The following OPRK1 variants were observed in gnomAD, a reference collection of about 807,000 sequenced individuals.
The protein encoded by OPRK1 is kappa-type opioid receptor.
A neutral mutation model predicts 24.5 loss-of-function variants in OPRK1; 15 were observed. That is an observed-to-expected ratio of 0.61 (90% CI 0.41 to 0.94). The LOEUF (loss-of-function observed/expected upper bound fraction) is 0.94. Ranked by LOEUF, OPRK1 falls within the 40% of genes least tolerant of loss-of-function variation. The pLI is 0.00. For synonymous variants in OPRK1, 205 were observed against 198.0 expected, an observed-to-expected ratio of 1.04 and a Z score of -0.30; for missense variants, 479 against 507.3, an observed-to-expected ratio of 0.94 and a Z score of 0.54.
chr8:53,237,628 T>C (rs1475501132), intron 2 of OPRK1, among the ~76,000 whole-genome samples: 1 of 152,222 alleles, frequency 6.6e-6, no homozygotes, highest in African/African-American at 2.4e-5. Context: ...AGGATTTTCT[T>C]TAAAATTCTC....
chr8:53,236,977 T>C (rs1467370735), intron 2 of OPRK1, among the ~76,000 whole-genome samples: 1 of 152,172 alleles, frequency 6.6e-6, no homozygotes, highest in Non-Finnish European at 1.5e-5. Flanking sequence ...CTAACGAGTA[T>C]ATTTTAGAGG....
chr8:53,251,313 C>A lies in OPRK1; in HGVS notation c.-49+135G>T, dbSNP rs1807393994. On this transcript the variant is annotated intron_variant, in intron 1 of 3. Transcript: ENST00000265572. ...CCTTCTCCCCCAGCCCCTGAGGTGC[C>A]TCCCTCACCAATTCTAGGCACCGGC... 5.9e-6 allele frequency: 3 copies of A among 507,026 alleles called. No homozygotes were observed. In the African/African-American group the frequency reaches 6.1e-5, roughly 10 times the overall value. The allele number at this position is 507,026 out of a possible 1,614,324, so 31.4% of individuals were successfully genotyped here.
chr8:53,233,651 AG>A (rs1806909599), intron 3 of OPRK1, among the ~76,000 whole-genome samples: 1 of 152,138 alleles, frequency 6.6e-6, no homozygotes, highest in Admixed American at 6.5e-5. Flanking sequence ...AATTTCTATG[AG>A]GAACAAAGAT....
At chr8:53,249,320 A>G (rs900352219) in intron 2 of OPRK1, among the ~76,000 whole-genome samples, 2 of 152,194 alleles carry the variant, frequency 1.3e-5, no homozygotes, top group African/African-American at 4.8e-5. Context: ...GATCTCCTAA[A>G]ATTTTTAATT....
chr8:53,236,093 C>T (rs111287088), intron 2 of OPRK1, among the ~76,000 whole-genome samples: 4 of 152,272 alleles, frequency 2.6e-5, no homozygotes, highest in African/African-American at 9.6e-5. Flanking sequence ...ATTTGAAGAT[C>T]TTGTCACAAT....
intron 3 of OPRK1, 90 bp downstream of exon 3, chr8:53,234,669 A>T: frequency 8.6e-7 from 1 of 1,163,988 alleles, no homozygotes; most frequent in Non-Finnish European, 1.2e-6. Flanking sequence ...ATCGATTTCC[A>T]CTAAATATGT....
intron 3 of OPRK1, among the ~76,000 whole-genome samples, chr8:53,232,682 A>G (rs1444828436): frequency 6.6e-6 from 1 of 152,178 alleles, no homozygotes; most frequent in Non-Finnish European, 1.5e-5. Context: ...TTCTTTATAT[A>G]TTAATATCAG....
rs1806692049 is a variant in OPRK1 at position 53,226,565 on chromosome 8, G to C, written c.*2732C>G. On this transcript the variant is annotated 3_prime_UTR_variant, in exon 4 of 4. Coordinates refer to ENST00000265572, the MANE Select transcript of OPRK1 (RefSeq NM_000912.5). ...AGAGAATAGGAACATCAAGAAATGA[G>C]AGATATCAGAGAGCCAGAGGGGTTT... 1 of 152,266 alleles carries C rather than the reference G, an allele frequency of 6.6e-6. No individual in the cohort carries two copies. The highest frequency in any genetic ancestry group is 1.5e-5 in the Non-Finnish European group (1 of 68,054). 9.4% of individuals were successfully genotyped at this position (152,266 alleles called of 1,614,324 possible).
At chr8:53,237,180 G>A (rs940432802) in intron 2 of OPRK1, among the ~76,000 whole-genome samples, 1 of 152,138 alleles carries the variant, frequency 6.6e-6, no homozygotes, top group Non-Finnish European at 1.5e-5. Context: ...AAGCAGAAAA[G>A]AATGTAGTTT....
rs1438861161 is a variant in OPRK1 at position 53,229,548 on chromosome 8, C to A, written c.892G>T (p.Ala298Ser). 6.2e-7 allele frequency: 1 copy of A among 1,614,062 alleles called. No individual in the cohort carries two copies. Among genetic ancestry groups the A allele is most frequent in the Non-Finnish European group, 8.5e-7 (1 of 1,180,034 alleles). Residue 298 changes from alanine (A) to serine (S), a missense_variant, in exon 4 of 4, where the codon GCT becomes TCT. Physicochemically the swap from Ala to Ser is moderately conservative, Grantham distance 99 (BLOSUM62 1). Coordinates refer to ENST00000265572, the MANE Select transcript of OPRK1 (RefSeq NM_000912.5). ...GTGCTGTGGGAGGTGCTCCCCAGAG[C>A]CTCCACCAGGATGAATATGTGAATG... ...TPIHIFILVE[A>S]LGSTSHSTAA...
chr8:53,246,937 AAC>A (rs1807243343), intron 2 of OPRK1, among the ~76,000 whole-genome samples: 2 of 152,210 alleles, frequency 1.3e-5, no homozygotes, highest in East Asian at 3.8e-4. Flanking sequence ...GACACAGAAA[AAC>A]TTCTAGGGAG....
Position 53,250,947 on chromosome 8 carries a change from G to A in OPRK1, c.91C>T (p.Pro31Ser), listed in dbSNP as rs941657997. Reference sequence around the variant, plus strand: ...TTGCTGTCGGGCTCGGCCCAGCCGGGAAACCAGGCGCTGCTGTTGGGGGGC... The same window carrying A: ...TTGCTGTCGGGCTCGGCCCAGCCGGAAAACCAGGCGCTGCTGTTGGGGGGC... Reference protein sequence around the residue: ...CLPPNSSAWFPGWAEPDSNGS... With the variant: ...CLPPNSSAWFSGWAEPDSNGS... The change falls in exon 2 of 4, where the codon CCC becomes TCC. Residue 31 changes from proline (P) to serine (S), a missense_variant. Pro to Ser is a moderately conservative substitution (Grantham distance 74). Transcript: ENST00000265572. 2 of 1,610,230 alleles carry A rather than the reference G, an allele frequency of 1.2e-6. No homozygotes were observed. The highest frequency in any genetic ancestry group is 1.1e-5 in the South Asian group (1 of 90,786).
At chr8:53,245,049 G>T (rs1807198486) in intron 2 of OPRK1, among the ~76,000 whole-genome samples, 1 of 152,168 alleles carries the variant, frequency 6.6e-6, no homozygotes, top group South Asian at 2.1e-4. Context: ...TAAAGGTTAT[G>T]TAAATAGTTG....
intron 2 of OPRK1, among the ~76,000 whole-genome samples, chr8:53,237,372 C>T (rs1478599609): frequency 6.6e-6 from 1 of 152,154 alleles, no homozygotes; most frequent in Non-Finnish European, 1.5e-5. Context: ...TTTAGTTTTT[C>T]AAAATATTTA....
At chr8:53,248,385 T>C (rs943722022) in intron 2 of OPRK1, among the ~76,000 whole-genome samples, 1 of 152,196 alleles carries the variant, frequency 6.6e-6, no homozygotes, top group Non-Finnish European at 1.5e-5. Context: ...TTCTATAAGG[T>C]TGAACTATGC....
chr8:53,231,859 G>T (rs1806861800), intron 3 of OPRK1, among the ~76,000 whole-genome samples: 1 of 152,196 alleles, frequency 6.6e-6, no homozygotes, highest in Non-Finnish European at 1.5e-5. Flanking sequence ...CAGGGCTGCT[G>T]TTTAATTCGG....
rs1807368487 is a variant in OPRK1, at chr8:53,250,880, T to G, written c.158A>C (p.His53Pro). Residue 53 changes from histidine (H) to proline (P), a missense_variant, in exon 2 of 4, where the codon CAC (histidine) becomes CCC (proline). Physicochemically the swap from His to Pro is moderately conservative, Grantham distance 77. Transcript: ENST00000265572. ...GATGACCGGGATGGCCGGGGAGATG[T>G]GCGCGGGCTCCAGCTGCGCGTCCTC... ...GSEDAQLEPA[H>P]ISPAIPVIIT... 3 of 1,612,964 alleles carry G rather than the reference T, an allele frequency of 1.9e-6. No individual in the cohort carries two copies. Among genetic ancestry groups the G allele is most frequent in the African/African-American group, 2.7e-5 (2 of 74,866 alleles).
intron 3 of OPRK1, among the ~76,000 whole-genome samples, chr8:53,233,142 G>C (rs1189104115): frequency 6.6e-6 from 1 of 152,130 alleles, no homozygotes; most frequent in Non-Finnish European, 1.5e-5. Flanking sequence ...AGTTTCAGAG[G>C]GAAAAGATCA....
At chr8:53,238,790 A>G (rs1247507138) in intron 2 of OPRK1, 1 of 841,760 alleles carries the variant, frequency 1.2e-6, no homozygotes, top group Non-Finnish European at 1.4e-6. Flanking sequence ...ACCATGCTAG[A>G]AAGGTGGCAC....
Sources: allele counts gnomAD v4.1 joint callset (sites outside exome capture counted in the v4.1 genomes callset), GRCh38; gene constraint gnomAD v4.1.1; transcripts MANE v1.5; gene names NCBI Gene and HGNC (gene_info 2026-07-23, HGNC 2026-07-21).